Variants in SLC6A5 observed in about 807,000 individuals in gnomAD.
SLC6A5 encodes solute carrier family 6 member 5, also known as sodium- and chloride-dependent glycine transporter 2.
Under a neutral mutation model 90.5 loss-of-function variants are expected in SLC6A5, and 58 were observed. That is an observed-to-expected ratio of 0.64 (90% CI 0.52 to 0.80). SLC6A5 has a LOEUF of 0.80. SLC6A5 is among the 30% of genes least tolerant of loss of function. SLC6A5 has a pLI of 0.00. For missense variants in SLC6A5, 1,015 were observed against 1,017.6 expected, an observed-to-expected ratio of 1.00 and a Z score of 0.03; for synonymous variants, 427 against 401.4, an observed-to-expected ratio of 1.06 and a Z score of -0.76.
chr11:20,635,488 T>G (rs1298388305), intron 10 of SLC6A5, among the ~76,000 whole-genome samples: 2 of 152,110 alleles, frequency 1.3e-5, no homozygotes, highest in Non-Finnish European at 2.9e-5. Flanking sequence ...AGATTCATAT[T>G]TTATGTGAAT....
chr11:20,614,846 T>C (rs1852756480), intron 6 of SLC6A5, 26 bp downstream of exon 6: 1 of 1,597,070 alleles, frequency 6.3e-7, no homozygotes, highest in Non-Finnish European at 8.6e-7. Flanking sequence ...TTTTCCTTTT[T>C]TACCTTCTAA....
At chr11:20,616,575 A>G (rs1304719348) in intron 6 of SLC6A5, among the ~76,000 whole-genome samples, 1 of 152,142 alleles carries the variant, frequency 6.6e-6, no homozygotes, top group Non-Finnish European at 1.5e-5. Context: ...TATATGGTTT[A>G]CCTATTTTGG....
intron 13 of SLC6A5, among the ~76,000 whole-genome samples, chr11:20,644,544 G>T (rs1853373325): frequency 1.3e-5 from 2 of 152,174 alleles, no homozygotes. Flanking sequence ...ATATCTTTTG[G>T]ACATACTGAT....
At chr11:20,600,354 GAAGAA>G (rs1852438924) in intron 1 of SLC6A5, among the ~76,000 whole-genome samples, 1 of 130,178 alleles carries the variant, frequency 7.7e-6, no homozygotes, top group Middle Eastern at 3.5e-3. Context: ...AGAAGAAGAA[GAAGAA>G]GAAGAAGAAG....
chr11:20,614,047 G>A (rs1852740288), intron 5 of SLC6A5, among the ~76,000 whole-genome samples: 1 of 152,072 alleles, frequency 6.6e-6, no homozygotes, highest in African/African-American at 2.4e-5. Context: ...CCCGGTAGAC[G>A]GCGTGGTTGC....
At chr11:20,638,099 T>C (rs926776436) in intron 12 of SLC6A5, among the ~76,000 whole-genome samples, 1 of 152,226 alleles carries the variant, frequency 6.6e-6, no homozygotes, top group African/African-American at 2.4e-5. Context: ...CGAATGCAGA[T>C]ACATAGGTGG....
At chr11:20,604,201 G>A in intron 2 of SLC6A5, 85 bp from the exon 3 acceptor site, 4 of 1,497,502 alleles carry the variant, frequency 2.7e-6, no homozygotes, top group East Asian at 2.3e-5. Flanking sequence ...TGCTGGGAAG[G>A]ACCCCTAGCG....
Position 20,638,500 on chromosome 11 carries a change from CT to C in SLC6A5, c.1912del (p.Ser638ProfsTer28). On this transcript the variant is annotated frameshift_variant, in exon 13 of 16. Transcript: ENST00000525748. LOFTEE classifies it high-confidence loss of function. Reference protein sequence around the residue: ...MFQLVDTYAASYALVIIAIFE... With the variant: ...MFQLVDTYAAXYALVIIAIFE... ...TTCAGCTTGTGGACACCTATGCTGC[CT>C]CCTATGCCCTTGTCATCATTGCCAT... 1 of 1,613,540 alleles carries C rather than the reference CT, an allele frequency of 6.2e-7. No individual in the cohort carries two copies. The highest frequency in any genetic ancestry group is 8.5e-7 in the Non-Finnish European group (1 of 1,179,520).
rs61736605 is a variant in SLC6A5 at position 20,601,467 on chromosome 11, C to T, written c.342C>T (p.Pro114=). The T allele has an allele frequency of 6.2e-7, 1 of 1,611,362 alleles. No homozygotes were observed. Among genetic ancestry groups the T allele is most frequent in the Non-Finnish European group, 8.5e-7 (1 of 1,178,850 alleles). ...CGCCCCCTCCCGGGAGCTCCGGGCC[C>T]GGCAACGCGCTGCACTGTAAGATCC... ...QASPPPGSSG[P]GNALHCKIPF... is the part of the protein sequence containing the mutation. The change falls in exon 2 of 16, where the codon CCC becomes CCT. Residue 114 remains proline, a synonymous_variant. Coordinates refer to ENST00000525748, the MANE Select transcript of SLC6A5 (RefSeq NM_004211.5).
intron 13 of SLC6A5, among the ~76,000 whole-genome samples, chr11:20,645,200 G>C (rs11605055): frequency 1.3e-5 from 2 of 151,902 alleles, no homozygotes; most frequent in Non-Finnish European, 2.9e-5. Flanking sequence ...CCCAGCAAGA[G>C]ATTATCTTCT....
intron 7 of SLC6A5, among the ~76,000 whole-genome samples, chr11:20,622,184 G>A (rs1007186096): frequency 6.6e-6 from 1 of 152,168 alleles, no homozygotes; most frequent in Admixed American, 6.5e-5. Flanking sequence ...TGACACAGGG[G>A]AACTAGCTGT....
chr11:20,657,131 C>A lies in SLC6A5; in HGVS notation c.*2263C>A, dbSNP rs1476476965. The A allele has an allele frequency of 6.6e-6, 1 of 151,742 alleles. No homozygotes were observed. The highest frequency in any genetic ancestry group is 1.5e-5 in the Non-Finnish European group (1 of 68,018). 9.4% of individuals were successfully genotyped at this position (151,742 alleles called of 1,614,324 possible). A position where few individuals can be genotyped will look rare whatever the true frequency, so the allele number is the denominator to read the frequency against. ...CTCTCCTGTTGCCTCTTGGCTAAAA[C>A]TCTGATTGAGCCAATGGTTGCAGTC... On this transcript the variant is annotated 3_prime_UTR_variant, in exon 16 of 16. Transcript: ENST00000525748.
rs1319524049 is a variant in SLC6A5 at position 20,601,389 on chromosome 11, G to T, written c.264G>T (p.Gln88His). 1 of 1,604,304 alleles carries T rather than the reference G, an allele frequency of 6.2e-7. No individual in the cohort carries two copies. Among genetic ancestry groups the T allele is most frequent in the East Asian group, 2.3e-5 (1 of 44,442 alleles). ...GSCKLSSPRA[Q>H]AASAALRDLR... is the part of the protein sequence containing the mutation. ...GCAAACTCAGTAGCCCGCGGGCGCA[G>T]GCGGCCTCTGCAGCTCTGCGGGACT... Residue 88 changes from glutamine (Q) to histidine (H), a missense_variant, in exon 2 of 16, where the codon CAG becomes CAT. Physicochemically the swap from Gln to His is conservative, Grantham distance 24 (BLOSUM62 0). Coordinates refer to ENST00000525748, the MANE Select transcript of SLC6A5 (RefSeq NM_004211.5).
chr11:20,609,180 G>A (rs3781740), intron 5 of SLC6A5, among the ~76,000 whole-genome samples: 8,445 of 152,222 alleles, frequency 0.055, 633 homozygotes, highest in East Asian at 0.35. Context: ...CAAGCTCTGA[G>A]CACAAGGAGA....
chr11:20,611,686 T>G (rs554286998), intron 5 of SLC6A5, among the ~76,000 whole-genome samples: 49 of 151,702 alleles, frequency 3.2e-4, no homozygotes, highest in African/African-American at 1.1e-3. Context: ...AAACTCTATT[T>G]GCTTCCTGCG....
intron 13 of SLC6A5, among the ~76,000 whole-genome samples, chr11:20,640,697 TA>T (rs34284603): frequency 0.3 from 44,947 of 147,998 alleles, 6,863 homozygotes; most frequent in Middle Eastern, 0.4. Flanking sequence ...CTGTTTGAGG[TA>T]AAAAAAAAAA....
chr11:20,617,728 C>T (rs556556536), intron 6 of SLC6A5, 24 bp from the exon 7 acceptor site: 2 of 1,610,036 alleles, frequency 1.2e-6, no homozygotes, highest in East Asian at 2.2e-5. Flanking sequence ...TATCACTCCC[C>T]CCATCCCTCC....
chr11:20,617,603 G>A, intron 6 of SLC6A5, 149 bp from the exon 7 acceptor site: 1 of 719,730 alleles, frequency 1.4e-6, no homozygotes, highest in Non-Finnish European at 2.5e-6. Flanking sequence ...ACAGCCTGAT[G>A]TGATTAGGTT....
At chr11:20,623,612 C>A (rs966464959) in intron 7 of SLC6A5, among the ~76,000 whole-genome samples, 1 of 152,090 alleles carries the variant, frequency 6.6e-6, no homozygotes, top group Non-Finnish European at 1.5e-5. Flanking sequence ...CTGCCGTAGC[C>A]CTGTTGCCCA....
Sources: gnomAD v4.1 joint callset for allele counts (sites outside exome capture counted in the v4.1 genomes callset) on GRCh38, gnomAD v4.1.1 for gene constraint, MANE v1.5 for transcripts, NCBI Gene and HGNC (gene_info 2026-07-23, HGNC 2026-07-21) for gene names.